KATNIP: variants seen among roughly 807,000 people sequenced by gnomAD.
The protein encoded by KATNIP is katanin interacting protein, also known as katanin-interacting protein.
In KATNIP, 126 loss-of-function variants were observed where a neutral mutation model predicts 174.0. The observed-to-expected ratio is 0.72, with a 90% confidence interval of 0.63 to 0.84. The LOEUF (loss-of-function observed/expected upper bound fraction) is 0.84. Among genes scored for constraint, KATNIP ranks in the 40% least tolerant of loss-of-function variants. KATNIP has a pLI of 0.00. For synonymous variants in KATNIP, 810 were observed against 835.7 expected, an observed-to-expected ratio of 0.97 and a Z score of 0.53; for missense variants, 1,958 against 2,109.7, an observed-to-expected ratio of 0.93 and a Z score of 1.41.
rs1390353555 is a variant in KATNIP, at chr16:27,698,389, G to T, written c.1002G>T (p.Glu334Asp). The T allele has an allele frequency of 9.9e-6, 16 of 1,613,236 alleles. No individual in the cohort carries two copies. Among genetic ancestry groups the T allele is most frequent in the Non-Finnish European group, 1.3e-5 (15 of 1,179,664 alleles). Residue 334 changes from glutamate to aspartate, a missense_variant, in exon 9 of 28, where the codon GAG becomes GAT. Transcript: ENST00000261588. ...CCCGCAAAACTCTTTGCGAGGCTGA[G>T]TACCCAGAGGAAGATGCCTCTGCTG... ...SATRKTLCEA[E>D]YPEEDASAVL... is the part of the protein sequence containing the mutation.
Position 27,637,824 on chromosome 16 carries a change from G to A in KATNIP, c.408+6662G>A, listed in dbSNP as rs1030702160. 2.0e-5 allele frequency among the ~76,000 whole-genome samples: 3 copies of A among 152,194 alleles called. No individual in the cohort carries two copies. Among genetic ancestry groups the A allele is most frequent in the South Asian group, 2.1e-4 (1 of 4,828 alleles). On this transcript the variant is annotated intron_variant, in intron 5 of 27. Transcript: ENST00000261588. The surrounding 1 kb of genome is among the most constrained non-coding windows in gnomAD (Gnocchi z 4.7). ...TCCAAGAGGGTTGAAACAGTAGAGC[G>A]CCACGTTTGGGTTCATATTTTGGGT...
At chr16:27,730,286 A>T (rs1040693584) in intron 14 of KATNIP, among the ~76,000 whole-genome samples, 6 of 152,250 alleles carry the variant, frequency 3.9e-5, no homozygotes, top group African/African-American at 1.4e-4. Flanking sequence ...CCAACATTTT[A>T]AAATTGGGAG....
chr16:27,632,645 T>C, intron 5 of KATNIP: 1 of 456,278 alleles, frequency 2.2e-6, no homozygotes, highest in Non-Finnish European at 4.4e-6. Flanking sequence ...GTCAGTTGTG[T>C]AGTAACCACA....
intron 2 of KATNIP, among the ~76,000 whole-genome samples, chr16:27,575,524 T>C (rs1039065299): frequency 5.9e-5 from 9 of 152,220 alleles, no homozygotes; most frequent in African/African-American, 2.2e-4. Flanking sequence ...ACCAACACTT[T>C]TGATTGTAAA....
intron 8 of KATNIP, among the ~76,000 whole-genome samples, chr16:27,682,603 G>A (rs2078388449): frequency 6.6e-6 from 1 of 152,148 alleles, no homozygotes; most frequent in Non-Finnish European, 1.5e-5. Flanking sequence ...CCAGTTGTAG[G>A]TATGAGATTA....
intron 6 of KATNIP, among the ~76,000 whole-genome samples, chr16:27,665,351 C>T (rs527758088): frequency 5.2e-4 from 79 of 151,994 alleles, no homozygotes; most frequent in Non-Finnish European, 1.1e-3. Context: ...ACGATCCACC[C>T]ACCTCAGCCT....
intron 6 of KATNIP, among the ~76,000 whole-genome samples, chr16:27,650,171 T>TAA (rs5816441): frequency 3.9e-4 from 56 of 145,350 alleles, no homozygotes; most frequent in East Asian, 1.0e-3. Context: ...AAACTGTGTC[T>TAA]AAAAAAAAAA....
chr16:27,642,613 C>T (rs2076834234), intron 5 of KATNIP, among the ~76,000 whole-genome samples: 1 of 152,092 alleles, frequency 6.6e-6, no homozygotes, highest in Non-Finnish European at 1.5e-5. Context: ...GAGGGTAACA[C>T]ATGTGCTAAG....
chr16:27,678,491 C>G (rs1280840593), intron 7 of KATNIP, among the ~76,000 whole-genome samples: 6 of 151,432 alleles, frequency 4.0e-5, no homozygotes, highest in African/African-American at 1.5e-4. Flanking sequence ...TCTCCTCCTT[C>G]TCTGCTTTCC....
At chr16:27,627,882 G>T (rs1311642384) in intron 3 of KATNIP, among the ~76,000 whole-genome samples, 3 of 152,152 alleles carry the variant, frequency 2.0e-5, no homozygotes, top group African/African-American at 7.2e-5. Context: ...TTCTCTGGGG[G>T]CTGAAGAAGA....
At chr16:27,719,038 AG>A (rs2080089794) in intron 13 of KATNIP, among the ~76,000 whole-genome samples, 1 of 152,136 alleles carries the variant, frequency 6.6e-6, no homozygotes, top group African/African-American at 2.4e-5. Context: ...TCTCAAATGC[AG>A]GGTGATGCCC....
intron 8 of KATNIP, among the ~76,000 whole-genome samples, chr16:27,683,287 C>T (rs1332904583): frequency 2.0e-5 from 3 of 152,222 alleles, no homozygotes; most frequent in Non-Finnish European, 4.4e-5. Flanking sequence ...CTGGAGCCTG[C>T]ATCCCAGTGG....
chr16:27,592,484 G>A (rs1334151141), intron 2 of KATNIP, among the ~76,000 whole-genome samples: 1 of 151,724 alleles, frequency 6.6e-6, no homozygotes, highest in African/African-American at 2.4e-5. Flanking sequence ...TGGATGTGGT[G>A]GTACGCACCT....
intron 6 of KATNIP, among the ~76,000 whole-genome samples, chr16:27,661,771 G>T (rs2142486588): frequency 6.9e-6 from 1 of 145,494 alleles, no homozygotes; most frequent in African/African-American, 2.5e-5. Context: ...TTTCAGACAG[G>T]GTATTGCCCT....
At chr16:27,550,236 C>G in intron 1 of KATNIP, 59 bp downstream of exon 1, 2 of 1,578,002 alleles carry the variant, frequency 1.3e-6, no homozygotes, top group Non-Finnish European at 1.7e-6. Flanking sequence ...CCCTCCCGAC[C>G]GCGCTTTGGG....
intron 23 of KATNIP, 102 bp from the exon 24 acceptor site, chr16:27,774,843 C>A: frequency 2.2e-6 from 3 of 1,385,354 alleles, no homozygotes; most frequent in African/African-American, 1.4e-5. Context: ...AAGCATCAGC[C>A]CTGCCAGCCC....
chr16:27,689,613 A>C (rs2078643892), intron 8 of KATNIP, among the ~76,000 whole-genome samples: 1 of 152,202 alleles, frequency 6.6e-6, no homozygotes, highest in African/African-American at 2.4e-5. Flanking sequence ...ACCTGCCATC[A>C]AGAAAAGTCC....
intron 13 of KATNIP, 48 bp from the exon 14 acceptor site, chr16:27,721,510 A>G (rs754073686): frequency 6.2e-7 from 1 of 1,611,552 alleles, no homozygotes; most frequent in South Asian, 1.1e-5. Flanking sequence ...TACTTTGGGG[A>G]GAGGCAGAAA....
At chr16:27,652,243 T>C (rs1445797490) in intron 6 of KATNIP, among the ~76,000 whole-genome samples, 1 of 152,164 alleles carries the variant, frequency 6.6e-6, no homozygotes, top group Non-Finnish European at 1.5e-5. Flanking sequence ...GCTGCTATTT[T>C]ATATGGAGGG....
Sources: allele counts gnomAD v4.1 joint callset (sites outside exome capture counted in the v4.1 genomes callset), GRCh38; gene constraint gnomAD v4.1.1; non-coding constraint Gnocchi (gnomAD v3.1); transcripts MANE v1.5; gene names NCBI Gene and HGNC (gene_info 2026-07-23, HGNC 2026-07-21).